MED16: variants seen among roughly 807,000 people sequenced by gnomAD.
MED16 encodes the protein mediator complex subunit 16.
Under a neutral mutation model 84.4 loss-of-function variants are expected in MED16, and 81 were observed. That is an observed-to-expected ratio of 0.96 (90% CI 0.80 to 1.15). The LOEUF (loss-of-function observed/expected upper bound fraction) is 1.15. MED16 is among the 50% of genes most tolerant of loss of function. MED16 has a pLI of 0.00. For synonymous variants in MED16, 897 were observed against 552.2 expected, an observed-to-expected ratio of 1.62 and a Z score of -8.76; for missense variants, 1,585 against 1,245.9, an observed-to-expected ratio of 1.27 and a Z score of -4.10.
chr19:868,687 G>A (rs1387902302), intron 14 of MED16, among the ~76,000 whole-genome samples, 176 bp downstream of exon 14: 6 of 152,126 alleles, frequency 3.9e-5, no homozygotes, highest in Admixed American at 3.3e-4. Context: ...CCCTGAACTA[G>A]CCCCGCCACA....
chr19:868,736 A>G, intron 14 of MED16, 127 bp downstream of exon 14: 1 of 1,153,034 alleles, frequency 8.7e-7, no homozygotes, highest in Non-Finnish European at 1.2e-6. Flanking sequence ...CCTGGCTCCA[A>G]CACTCCCTCT....
intron 7 of MED16, among the ~76,000 whole-genome samples, chr19:880,374 AGCCCCTCCCC>A (rs925231882): frequency 6.6e-6 from 1 of 152,202 alleles, no homozygotes; most frequent in African/African-American, 2.4e-5. Flanking sequence ...CACTGCTCCC[AGCCCCTCCCC>A]GCCCCTCCCA....
At chr19:880,718 G>A (rs555120985) in intron 7 of MED16, among the ~76,000 whole-genome samples, 36 of 152,228 alleles carry the variant, frequency 2.4e-4, no homozygotes, top group Non-Finnish European at 4.0e-4. Context: ...TCAGGGGTTC[G>A]AGACCAGCCT....
chr19:870,776 G>A lies in MED16; in HGVS notation c.2315+261C>T, dbSNP rs535810983. ...GGGCAGGACATGGAGGGAGGGAGCC[G>A]TGTGGATTCGGGGGGACCCGGGGCA... On this transcript the variant is annotated intron_variant, in intron 13 of 15. Coordinates refer to ENST00000325464, the MANE Select transcript of MED16 (RefSeq NM_005481.3). Among the ~76,000 whole-genome samples, 802 of 147,148 alleles carry A rather than the reference G, an allele frequency of 5.5e-3. 13 individuals are homozygous for A. The highest frequency in any genetic ancestry group is 0.019 in the African/African-American group (761 of 39,514).
intron 7 of MED16, among the ~76,000 whole-genome samples, chr19:880,524 GTCAC>G (rs1200556430): frequency 2.0e-5 from 3 of 152,162 alleles, no homozygotes; most frequent in Non-Finnish European, 4.4e-5. Flanking sequence ...GGCTGGGGCT[GTCAC>G]TCACACTGGG....
intron 8 of MED16, 73 bp from the exon 9 acceptor site, chr19:877,253 C>T: frequency 6.8e-7 from 1 of 1,464,808 alleles, no homozygotes; most frequent in South Asian, 1.2e-5. Flanking sequence ...GAATGGGGCC[C>T]TGGGGCTGCG....
intron 13 of MED16, 107 bp from the exon 14 acceptor site, chr19:869,053 C>A: frequency 2.0e-6 from 2 of 976,626 alleles, no homozygotes; most frequent in Non-Finnish European, 2.9e-6. Context: ...CGGCCTCACA[C>A]CATCTGCCAG....
chr19:873,832 G>A (rs74595566), intron 10 of MED16, among the ~76,000 whole-genome samples: 6,771 of 152,182 alleles, frequency 0.044, 340 homozygotes, highest in African/African-American at 0.12. Flanking sequence ...AGGCCTTGGC[G>A]TGGGCAGGTC....
intron 10 of MED16, among the ~76,000 whole-genome samples, chr19:874,838 G>A (rs1381484116): frequency 1.3e-5 from 2 of 151,854 alleles, no homozygotes; most frequent in African/African-American, 2.4e-5. Flanking sequence ...TCACCGTGCT[G>A]CAACCTGGAT....
chr19:888,547 A>G (rs963085476), intron 4 of MED16, among the ~76,000 whole-genome samples: 10 of 151,770 alleles, frequency 6.6e-5, no homozygotes, highest in Non-Finnish European at 1.5e-4. Context: ...AAAAAAAGAT[A>G]AAGGTCTGAG....
Position 871,059 on chromosome 19 carries a change from G to C in MED16, c.2293C>G (p.Leu765Val). ...CACCTGGCGAGGCCGTCGAGCTGCA[G>C]GGTGGCAGCACTGCCAGGCAGCGTG... is the stretch of plus-strand genomic sequence containing the variant. ...APTLPGSAAT[L>V]QLDGLARAPG... The change falls in exon 13 of 16, where the codon CTG becomes GTG. Residue 765 changes from leucine (L) to valine (V), a missense_variant. Leu to Val is a conservative substitution (Grantham distance 32, BLOSUM62 1). Coordinates refer to ENST00000325464, the MANE Select transcript of MED16 (RefSeq NM_005481.3). 1.3e-6 allele frequency: 2 copies of C among 1,544,872 alleles called. No homozygotes were observed. Among genetic ancestry groups the C allele is most frequent in the Non-Finnish European group, 1.7e-6 (2 of 1,143,420 alleles).
At chr19:872,157 G>C in intron 11 of MED16, 39 bp from the exon 12 acceptor site, 4 of 1,557,556 alleles carry the variant, frequency 2.6e-6, no homozygotes, top group Non-Finnish European at 3.5e-6. Flanking sequence ...GGGCGGCGGG[G>C]GGCAGATGGC....
At chr19:868,559 C>A in intron 14 of MED16, 60 bp from the exon 15 acceptor site, 4 of 1,583,974 alleles carry the variant, frequency 2.5e-6, no homozygotes, top group South Asian at 2.2e-5. Context: ...CTTACGCCTG[C>A]CCCACTTTTG....
intron 8 of MED16, among the ~76,000 whole-genome samples, chr19:878,503 C>T (rs796615774): frequency 8.2e-6 from 1 of 122,670 alleles, no homozygotes; most frequent in African/African-American, 3.1e-5. Flanking sequence ...GCCCACCAGC[C>T]CCAGCCCCAC....
In MED16 at chr19:885,023, G is replaced by T. The variant is rs374273314; in HGVS notation, c.880-15C>A. ...CACAAAAGCACCTGCGGGGGAGGTG[G>T]GGGTGAGGGCTGACCCGGCACTGCT... On this transcript the variant is annotated splice_polypyrimidine_tract_variant and intron_variant, in intron 5 of 15. Coordinates refer to ENST00000325464, the MANE Select transcript of MED16 (RefSeq NM_005481.3). 3.2e-6 allele frequency: 5 copies of T among 1,577,546 alleles called. No homozygotes were observed. The highest frequency in any genetic ancestry group is 2.7e-5 in the African/African-American group (2 of 74,524).
intron 7 of MED16, among the ~76,000 whole-genome samples, chr19:880,802 T>A (rs2036405244): frequency 6.6e-6 from 1 of 151,702 alleles, no homozygotes; most frequent in African/African-American, 2.4e-5. Flanking sequence ...GCGCCTGTAG[T>A]CCCAGCTACT....
At chr19:878,697 C>T (rs2036332318) in intron 8 of MED16, among the ~76,000 whole-genome samples, 1 of 144,582 alleles carries the variant, frequency 6.9e-6, no homozygotes, top group Non-Finnish European at 1.5e-5. Flanking sequence ...ACCCCACGTG[C>T]CCCAGCAGCT....
At chr19:868,588 TCTGCTCGCCGTCCCTCACGC>T in intron 14 of MED16, 89 bp from the exon 15 acceptor site, 1 of 1,529,804 alleles carries the variant, frequency 6.5e-7, no homozygotes, top group East Asian at 2.3e-5. Flanking sequence ...CAGGTCTCCC[TCTGCTCGCCGTCCCTCACGC>T]CTGCTCCCCA....
chr19:892,972 G>A (rs1296584191), intron 1 of MED16, 114 bp downstream of exon 1: 1 of 148,618 alleles, frequency 6.7e-6, no homozygotes, highest in African/African-American at 2.5e-5. Flanking sequence ...CTTTGCTCCC[G>A]GCCACGCCCC....
Sources: gnomAD v4.1 joint callset for allele counts (sites outside exome capture counted in the v4.1 genomes callset) on GRCh38, gnomAD v4.1.1 for gene constraint, MANE v1.5 for transcripts, NCBI Gene and HGNC (gene_info 2026-07-23, HGNC 2026-07-21) for gene names.